WDR49: variants seen among roughly 807,000 people sequenced by gnomAD.
The protein encoded by WDR49 is cilia- and flagella-associated protein 337.
Under a neutral mutation model 119.5 loss-of-function variants are expected in WDR49, and 107 were observed. The observed-to-expected ratio is 0.90, with a 90% CI of 0.77 to 1.05. WDR49 has a LOEUF of 1.05. Among genes scored for constraint, WDR49 ranks in the 50% least tolerant of loss-of-function variants. The pLI is 0.00. For missense variants in WDR49, 1,240 were observed against 1,220.5 expected, an observed-to-expected ratio of 1.02 and a Z score of -0.24; for synonymous variants, 425 against 418.8, an observed-to-expected ratio of 1.01 and a Z score of -0.18.
chr3:167,520,133 G>A (rs969856069), intron 16 of WDR49, among the ~76,000 whole-genome samples: 1 of 151,764 alleles, frequency 6.6e-6, no homozygotes, highest in Non-Finnish European at 1.5e-5. Context: ...TGTAGTCCGA[G>A]CTACTTGGGA....
At chr3:167,571,238 G>T (rs749840534) in intron 8 of WDR49, among the ~76,000 whole-genome samples, 1 of 152,028 alleles carries the variant, frequency 6.6e-6, no homozygotes, top group Admixed American at 6.6e-5. Flanking sequence ...TGCAAAGCCA[G>T]CATGCTTCTG....
intron 2 of WDR49, among the ~76,000 whole-genome samples, chr3:167,639,417 T>C (rs915478322): frequency 6.6e-6 from 1 of 151,702 alleles, no homozygotes; most frequent in African/African-American, 2.4e-5. Flanking sequence ...TTAGCAGAAA[T>C]AGGCCTAGAA....
At chr3:167,516,306 G>A (rs1336282025) in intron 16 of WDR49, among the ~76,000 whole-genome samples, 1 of 137,168 alleles carries the variant, frequency 7.3e-6, no homozygotes, top group Non-Finnish European at 1.5e-5. Context: ...GTGTCCATGT[G>A]TTCTCATTGT....
At chr3:167,621,301 C>T (rs1008535564) in intron 4 of WDR49, among the ~76,000 whole-genome samples, 166 bp downstream of exon 4, 4 of 152,036 alleles carry the variant, frequency 2.6e-5, no homozygotes, top group Non-Finnish European at 5.9e-5. Flanking sequence ...TTTTTGTACG[C>T]AAGAAGACAA....
At position 167,653,497 on chromosome 3, in the gene WDR49, T is replaced by TCTCATTGATTTTCTGGTG; in HGVS notation, c.-73_-72insCACCAGAAAATCAATGAG. On this transcript the variant is annotated splice_region_variant and 5_prime_UTR_variant, in exon 2 of 19. The change creates a new upstream start codon in the 5' untranslated region. Coordinates refer to ENST00000682715, the MANE Select transcript of WDR49 (RefSeq NM_001366157.1). ...TGGATCTTCTTTTTCCTTCAACAGG[T>TCTCATTGATTTTCTGGTG]GCCTTTGAAAAGAAACTCAACTTAG... 1 of 1,405,452 alleles carries TCTCATTGATTTTCTGGTG rather than the reference T, an allele frequency of 7.1e-7. No homozygotes were observed. The highest frequency in any genetic ancestry group is 9.2e-7 in the Non-Finnish European group (1 of 1,082,528). The allele number at this position is 1,405,452 out of a possible 1,614,324, so 87.1% of individuals were successfully genotyped here. A position where few individuals can be genotyped will look rare whatever the true frequency, so the allele number is the denominator to read the frequency against.
At chr3:167,580,529 T>A (rs188289902) in intron 7 of WDR49, among the ~76,000 whole-genome samples, 1 of 152,194 alleles carries the variant, frequency 6.6e-6, no homozygotes, top group Non-Finnish European at 1.5e-5. Context: ...GCATTATACC[T>A]AACTTCTCTG....
chr3:167,647,918 G>A (rs1185433354), intron 2 of WDR49, among the ~76,000 whole-genome samples: 2 of 152,122 alleles, frequency 1.3e-5, no homozygotes, highest in African/African-American at 4.8e-5. Context: ...TGCTGATTAT[G>A]CGTTAGTTCC....
chr3:167,485,175 AC>A (rs1750873800), intron 18 of WDR49, among the ~76,000 whole-genome samples: 1 of 152,044 alleles, frequency 6.6e-6, no homozygotes, highest in South Asian at 2.1e-4. Context: ...GGAGAACATC[AC>A]ACACCAGGGT....
intron 3 of WDR49, among the ~76,000 whole-genome samples, chr3:167,624,541 C>T (rs892249702): frequency 6.6e-6 from 1 of 151,862 alleles, no homozygotes; most frequent in Non-Finnish European, 1.5e-5. Context: ...CTTCTTTGTA[C>T]TTTTGATTTT....
intron 2 of WDR49, among the ~76,000 whole-genome samples, chr3:167,628,322 A>T (rs2108328317): frequency 6.6e-6 from 1 of 152,242 alleles, no homozygotes; most frequent in Non-Finnish European, 1.5e-5. Context: ...AATGCATGTC[A>T]AAAGCTGAGA....
intron 11 of WDR49, among the ~76,000 whole-genome samples, chr3:167,536,164 T>C (rs899319977): frequency 1.3e-5 from 2 of 152,044 alleles, no homozygotes; most frequent in Non-Finnish European, 2.9e-5. Context: ...TATTGCATAG[T>C]AGGATGACTA....
chr3:167,571,684 G>A (rs1179333896), intron 8 of WDR49, among the ~76,000 whole-genome samples: 5 of 152,088 alleles, frequency 3.3e-5, no homozygotes, highest in Admixed American at 6.5e-5. Flanking sequence ...CCTTGTTTAC[G>A]TAAAATAGTC....
chr3:167,644,153 G>A (rs1718012950), intron 2 of WDR49, among the ~76,000 whole-genome samples: 1 of 151,104 alleles, frequency 6.6e-6, no homozygotes, highest in Admixed American at 6.6e-5. Flanking sequence ...AAATTCAATG[G>A]AAGGAAATTA....
At chr3:167,651,401 C>T (rs1267876011) in intron 2 of WDR49, among the ~76,000 whole-genome samples, 1 of 152,146 alleles carries the variant, frequency 6.6e-6, no homozygotes, top group African/African-American at 2.4e-5. Flanking sequence ...TACCTGTGGC[C>T]TCTGGGCCTA....
intron 8 of WDR49, among the ~76,000 whole-genome samples, chr3:167,562,284 G>A (rs1361579084): frequency 6.6e-6 from 1 of 152,134 alleles, no homozygotes; most frequent in East Asian, 1.9e-4. Context: ...AGGACCATTT[G>A]GAGGCTTCAG....
intron 9 of WDR49, among the ~76,000 whole-genome samples, chr3:167,558,260 C>A (rs1244076354): frequency 6.6e-6 from 1 of 152,088 alleles, no homozygotes; most frequent in Non-Finnish European, 1.5e-5. Flanking sequence ...TTATTTTATG[C>A]ACACATTAAT....
At chr3:167,526,430 C>T (rs1391555313) in intron 15 of WDR49, among the ~76,000 whole-genome samples, 4 of 152,118 alleles carry the variant, frequency 2.6e-5, no homozygotes, top group Admixed American at 6.6e-5. Flanking sequence ...GTTCAAACCT[C>T]CACCTCATCT....
intron 17 of WDR49, among the ~76,000 whole-genome samples, chr3:167,503,614 G>A (rs181869380): frequency 8.5e-5 from 13 of 152,306 alleles, no homozygotes; most frequent in Admixed American, 3.3e-4. Flanking sequence ...CCTTTAGCCC[G>A]ATCGGGAGCA....
chr3:167,537,988 C>A (rs188988322), intron 10 of WDR49, among the ~76,000 whole-genome samples: 2 of 152,100 alleles, frequency 1.3e-5, no homozygotes, highest in African/African-American at 2.4e-5. Context: ...GCCTCCTGAT[C>A]TTTCTTTCCC....
Sources: allele counts gnomAD v4.1 joint callset (sites outside exome capture counted in the v4.1 genomes callset), GRCh38; gene constraint gnomAD v4.1.1; transcripts MANE v1.5; gene names NCBI Gene and HGNC (gene_info 2026-07-23, HGNC 2026-07-21).